The following NAV2 variants were observed in gnomAD, a reference collection of about 807,000 sequenced individuals.
The protein encoded by NAV2 is neuron navigator 2.
A neutral mutation model predicts 223.2 loss-of-function variants in NAV2; 54 were observed. The observed-to-expected ratio is 0.24, with a 90% CI of 0.19 to 0.30. The LOEUF (loss-of-function observed/expected upper bound fraction) is 0.30, where lower values mean the gene tolerates loss of function less well. NAV2 is among the 10% of genes least tolerant of loss of function. The pLI is 1.00. For synonymous variants in NAV2, 1,279 were observed against 1,239.3 expected (o/e 1.03, Z -0.67); for missense variants, 2,806 against 3,147.5 (o/e 0.89, Z 2.60).
At chr11:20,023,699 G>GGGGGGT (rs1554902313) in intron 11 of NAV2, among the ~76,000 whole-genome samples, 10 of 144,678 alleles carry the variant, frequency 6.9e-5, no homozygotes, top group East Asian at 4.1e-4. Flanking sequence ...CAAATTGCTG[G>GGGGGGT]GTGTGTGTGT....
At chr11:19,984,770 G>A (rs2568115) in intron 11 of NAV2, among the ~76,000 whole-genome samples, 23,835 of 152,150 alleles carry the variant, frequency 0.16, 2,354 homozygotes, top group East Asian at 0.49. Context: ...TTGATCAGGC[G>A]TCACTGCCAC....
intron 11 of NAV2, among the ~76,000 whole-genome samples, chr11:19,988,831 C>T (rs2051045445): frequency 2.0e-5 from 3 of 152,186 alleles, no homozygotes; most frequent in Non-Finnish European, 4.4e-5. Flanking sequence ...GAGCCCAGGA[C>T]ACTGCTTGGC....
intron 1 of NAV2, among the ~76,000 whole-genome samples, chr11:19,368,288 T>C (rs946987787): frequency 6.6e-6 from 1 of 152,182 alleles, no homozygotes; most frequent in Non-Finnish European, 1.5e-5. Flanking sequence ...CTACAGGATT[T>C]GAAGTCCTTA....
intron 1 of NAV2, among the ~76,000 whole-genome samples, chr11:19,488,921 G>A (rs377444689): frequency 7.2e-5 from 11 of 152,320 alleles, no homozygotes; most frequent in African/African-American, 1.7e-4. Flanking sequence ...TGTCTGTCCT[G>A]CTTTCTTTGG....
intron 1 of NAV2, among the ~76,000 whole-genome samples, chr11:19,403,793 TA>T (rs1325786332): frequency 6.6e-6 from 1 of 151,464 alleles, no homozygotes; most frequent in East Asian, 1.9e-4. Context: ...TGGGGAAAAA[TA>T]AAACAGAGGA....
chr11:19,359,359 T>G (rs1215133380), intron 1 of NAV2, among the ~76,000 whole-genome samples: 1 of 152,214 alleles, frequency 6.6e-6, no homozygotes, highest in African/African-American at 2.4e-5. Flanking sequence ...CTTTTCCCTT[T>G]GAATTTCCAC....
At chr11:19,426,013 G>C (rs781397335) in intron 1 of NAV2, among the ~76,000 whole-genome samples, 2 of 152,178 alleles carry the variant, frequency 1.3e-5, no homozygotes, top group Non-Finnish European at 2.9e-5. Context: ...TTCTGATTTA[G>C]CAAGATATTA....
intron 1 of NAV2, among the ~76,000 whole-genome samples, chr11:19,493,721 C>G (rs1171618145): frequency 6.6e-6 from 1 of 152,170 alleles, no homozygotes; most frequent in Non-Finnish European, 1.5e-5. Flanking sequence ...TTAGAGCTGC[C>G]TGGGACAGTT....
chr11:19,419,804 G>C (rs962622581), intron 1 of NAV2, among the ~76,000 whole-genome samples: 1 of 152,214 alleles, frequency 6.6e-6, no homozygotes, highest in African/African-American at 2.4e-5. Flanking sequence ...TCAGTGAAAG[G>C]AAACTGAACT....
In NAV2 at chr11:19,796,839, C is replaced by T. The variant is rs113460873; in HGVS notation, c.268-35645C>T. Among the ~76,000 whole-genome samples, 679 of 152,272 alleles carry T rather than the reference C, an allele frequency of 4.5e-3. 9 individuals carry two copies. Among genetic ancestry groups the T allele is most frequent in the African/African-American group, 0.015 (631 of 41,544 alleles). On this transcript the variant is annotated intron_variant, in intron 1 of 37. Coordinates refer to ENST00000349880, the MANE Select transcript of NAV2 (RefSeq NM_145117.5). ...CCTTGCTGGTACTTGCTGCTTGTTA[C>T]CATGTAGCTGAGATTTGCACGCTTT...
rs180996390 is a variant in NAV2 at position 20,075,838 on chromosome 11, C to T, written c.4984-1714C>T. ...CTGTGTGTGTCAGTCATCTCCTCCT[C>T]TCGAATTTCACAGCATGATCAAATC... On this transcript the variant is annotated intron_variant, in intron 22 of 37. Coordinates refer to ENST00000349880, the MANE Select transcript of NAV2 (RefSeq NM_145117.5). Among the ~76,000 whole-genome samples, 27 of 151,038 alleles carry T rather than the reference C, an allele frequency of 1.8e-4. No homozygotes were observed. The East Asian group carries it at 4.0e-3, about 22-fold the overall frequency.
intron 11 of NAV2, among the ~76,000 whole-genome samples, chr11:20,005,946 A>G (rs1005202160): frequency 6.6e-6 from 1 of 152,194 alleles, no homozygotes; most frequent in Non-Finnish European, 1.5e-5. Context: ...GTGAGATTTC[A>G]TCATTTTAAA....
chr11:19,381,487 G>A (rs1848834431), intron 1 of NAV2, among the ~76,000 whole-genome samples: 1 of 152,186 alleles, frequency 6.6e-6, no homozygotes, highest in Non-Finnish European at 1.5e-5. Flanking sequence ...CTATCTGCAA[G>A]CATGCGGAGT....
intron 1 of NAV2, among the ~76,000 whole-genome samples, chr11:19,359,199 G>C (rs1853792189): frequency 6.6e-6 from 1 of 152,224 alleles, no homozygotes; most frequent in Non-Finnish European, 1.5e-5. Context: ...TCTTTGATTT[G>C]GGATGGGAGA....
chr11:19,527,075 T>A (rs938420922), intron 1 of NAV2, among the ~76,000 whole-genome samples: 1 of 152,030 alleles, frequency 6.6e-6, no homozygotes, highest in African/African-American at 2.4e-5. Flanking sequence ...TCTCTTGATA[T>A]GGTTTGGCTG....
intron 1 of NAV2, among the ~76,000 whole-genome samples, chr11:19,793,679 T>G (rs2057703082): frequency 6.7e-6 from 1 of 149,574 alleles, no homozygotes; most frequent in Non-Finnish European, 1.5e-5. Flanking sequence ...AATCAGATTG[T>G]GTCGTGCCCT....
chr11:19,659,322 G>C (rs1168938459), intron 1 of NAV2, among the ~76,000 whole-genome samples: 2 of 152,214 alleles, frequency 1.3e-5, no homozygotes, highest in Non-Finnish European at 2.9e-5. Context: ...AGTTCAGATG[G>C]AGTGTGTGGT....
Position 19,452,886 on chromosome 11 carries a change from A to T in NAV2, c.75+101859A>T, listed in dbSNP as rs551229112. ...TTTCGACTTTCATAATAACAATAAG[A>T]TAGCTAACACTTAAATAGTGGTTAC... On this transcript the variant is annotated intron_variant, in intron 1 of 37. Coordinates refer to the NAV2 transcript ENST00000360655. 6.6e-4 allele frequency among the ~76,000 whole-genome samples: 100 copies of T among 152,346 alleles called. No individual in the cohort carries two copies. In the South Asian group the frequency reaches 0.021, roughly 32 times the overall value.
intron 1 of NAV2, among the ~76,000 whole-genome samples, chr11:19,701,240 A>G (rs1237585446): frequency 6.6e-6 from 1 of 152,180 alleles, no homozygotes; most frequent in African/African-American, 2.4e-5. Context: ...TTTCTCCTGT[A>G]GGGAAACCAG....
Sources: allele counts gnomAD v4.1 joint callset (sites outside exome capture counted in the v4.1 genomes callset), GRCh38; gene constraint gnomAD v4.1.1; transcripts MANE v1.5; gene names NCBI Gene and HGNC (gene_info 2026-07-23, HGNC 2026-07-21).